Variants in ATP2B4 observed in about 807,000 individuals in gnomAD.
ATP2B4 encodes ATPase plasma membrane Ca2+ transporting 4.
ATP2B4 carries 39 observed loss-of-function variants against 110.3 expected under a neutral mutation model. The ratio of observed to expected loss-of-function variants is 0.35; its 90% CI spans 0.27 to 0.46. ATP2B4 has a LOEUF of 0.46. Among genes scored for constraint, ATP2B4 ranks in the 20% least tolerant of loss-of-function variants. The pLI is 1.00. For missense variants in ATP2B4, 1,135 were observed against 1,530.9 expected (o/e 0.74, Z 4.32); for synonymous variants, 538 against 571.7 (o/e 0.94, Z 0.84).
At position 203,660,096 on chromosome 1, in the gene ATP2B4, A is replaced by AG. The variant is rs1422544674; in HGVS notation, c.-464-22646_-464-22645insG. On this transcript the variant is annotated intron_variant, in intron 1 of 20. Coordinates refer to ENST00000357681, the MANE Select transcript of ATP2B4 (RefSeq NM_001684.5). ...GACTCCATCTCAAAAAAAAAAAAAA[A>AG]AAAAGAAAGAAAGAAAGAAAGAAAC... Among the ~76,000 whole-genome samples the AG allele has an allele frequency of 9.6e-3, 1,422 of 147,596 alleles. 17 individuals are homozygous for AG. Among genetic ancestry groups the AG allele is most frequent in the African/African-American group, 0.028 (1,090 of 38,298 alleles).
chr1:203,679,651 G>A (rs759607813), intron 1 of ATP2B4, among the ~76,000 whole-genome samples: 6 of 152,122 alleles, frequency 3.9e-5, no homozygotes, highest in Non-Finnish European at 7.4e-5. Flanking sequence ...TTGGGAGGCC[G>A]AGGGGGGTGG....
intron 15 of ATP2B4, among the ~76,000 whole-genome samples, chr1:203,719,225 G>GAAAAAAAAAAAAA (rs60841821): frequency 3.7e-5 from 2 of 54,402 alleles, no homozygotes; most frequent in African/African-American, 1.5e-4. Context: ...ACCCTGTCTC[G>GAAAAAAAAAAAAA]AAAAAAAAAA....
chr1:203,737,584 C>T (rs1182978883), intron 20 of ATP2B4, among the ~76,000 whole-genome samples: 1 of 152,126 alleles, frequency 6.6e-6, no homozygotes, highest in Admixed American at 6.5e-5. Flanking sequence ...CCAGATGGAG[C>T]CTCCATTCCA....
rs1231920448 is a variant in ATP2B4, at chr1:203,716,136, T to G, written c.2406+1859T>G. Among the ~76,000 whole-genome samples, 2 of 145,006 alleles carry G rather than the reference T, an allele frequency of 1.4e-5. 1 individual carries two copies. The highest frequency in any genetic ancestry group is 4.1e-4 in the East Asian group (2 of 4,826). On this transcript the variant is annotated intron_variant, in intron 15 of 20. Coordinates refer to ENST00000357681, the MANE Select transcript of ATP2B4 (RefSeq NM_001684.5). ...AACACCCCTATATTCATGGGGTTGC[T>G]AGGAGGACTCATGGGACTTGGCATA...
At position 203,659,821 on chromosome 1, in the gene ATP2B4, C is replaced by T. The variant is rs377566221; in HGVS notation, c.-464-22921C>T. Reference sequence around the variant, plus strand: ...ATAAAAAGCTGGGTGTGGTGGCTCACGCCTGTAATTCCAGCACTTTGGGAG... The same window carrying T: ...ATAAAAAGCTGGGTGTGGTGGCTCATGCCTGTAATTCCAGCACTTTGGGAG... On this transcript the variant is annotated intron_variant, in intron 1 of 20. Coordinates refer to ENST00000357681, the MANE Select transcript of ATP2B4 (RefSeq NM_001684.5). Among the ~76,000 whole-genome samples, 15 of 152,132 alleles carry T rather than the reference C, an allele frequency of 9.9e-5. No individual in the cohort carries two copies. The East Asian group carries it at 2.5e-3, about 25-fold the overall frequency.
chr1:203,680,608 C>CAAAAAAAAAA (rs372298550), intron 1 of ATP2B4, among the ~76,000 whole-genome samples: 4 of 130,778 alleles, frequency 3.1e-5, no homozygotes, highest in Non-Finnish European at 4.8e-5. Flanking sequence ...GACTCCGTCT[C>CAAAAAAAAAA]AAAAAAAAAA....
At chr1:203,664,257 A>G (rs901835745) in intron 1 of ATP2B4, among the ~76,000 whole-genome samples, 6 of 152,130 alleles carry the variant, frequency 3.9e-5, no homozygotes, top group African/African-American at 1.4e-4. Flanking sequence ...AAAATTAGAG[A>G]TTCTGGAGAA....
Position 203,709,539 on chromosome 1 carries a change from G to A in ATP2B4, c.1796G>A (p.Arg599His), listed in dbSNP as rs898591806. The A allele has an allele frequency of 3.1e-6, 5 of 1,613,946 alleles. No individual in the cohort carries two copies. Among genetic ancestry groups the A allele is most frequent in the Non-Finnish European group, 4.2e-6 (5 of 1,180,020 alleles). ...AAGGGCGCCTCTGAGATCATCTTGC[G>A]CAAGTGAGCACCCCCGACCACTCTG... ...YSKGASEIIL[R>H]KCNRILDRKG... The change falls in exon 11 of 21, where the codon CGC becomes CAC. Residue 599 changes from arginine to histidine, a missense_variant. Physicochemically the swap from Arg to His is conservative, Grantham distance 29. This residue lies in a region of ATP2B4 where 368 missense variants were observed against 455.9 expected (regional missense o/e 0.81). Transcript: ENST00000357681.
rs35598967 is a variant in ATP2B4, at chr1:203,678,392, CTTT to C, written c.-464-4332_-464-4330del. On this transcript the variant is annotated intron_variant, in intron 1 of 20. Coordinates refer to ENST00000357681, the MANE Select transcript of ATP2B4 (RefSeq NM_001684.5). ...TCTGGCAGCTCCTCATTTCTAGAGG[CTTT>C]TTTTTTTTTTTTTTTTTGAAGTCAG... Among the ~76,000 whole-genome samples the C allele has an allele frequency of 5.6e-3, 565 of 100,188 alleles. 4 individuals are homozygous for C. The highest frequency in any genetic ancestry group is 0.021 in the African/African-American group (527 of 24,822). The allele number at this position is 100,188 out of a possible 152,430, so 65.7% of individuals were successfully genotyped here. A position where few individuals can be genotyped will look rare whatever the true frequency, so the allele number is the denominator to read the frequency against.
At chr1:203,633,058 C>T (rs932721974) in intron 1 of ATP2B4, among the ~76,000 whole-genome samples, 1 of 152,134 alleles carries the variant, frequency 6.6e-6, no homozygotes, top group Non-Finnish European at 1.5e-5. Flanking sequence ...TGACTAATTT[C>T]AAGTCTGAGA....
At position 203,704,523 on chromosome 1, in the gene ATP2B4, C is replaced by G. The variant is rs1665792351; in HGVS notation, c.1099+710C>G. 3.7e-5 allele frequency among the ~76,000 whole-genome samples: 5 copies of G among 134,416 alleles called. No homozygotes were observed. In the South Asian group the frequency reaches 1.2e-3, roughly 33 times the overall value. 88.2% of individuals were successfully genotyped at this position (134,416 alleles called of 152,430 possible). On this transcript the variant is annotated intron_variant, in intron 8 of 20. Transcript: ENST00000357681. ...TGAGATGGCGTCTTCCTCTGTTGCC[C>G]AGGATGGAGTGCAGTGGCACCATCT... is the stretch of plus-strand genomic sequence containing the variant.
chr1:203,663,409 C>A (rs1324498925), intron 1 of ATP2B4, among the ~76,000 whole-genome samples: 1 of 152,118 alleles, frequency 6.6e-6, no homozygotes, highest in African/African-American at 2.4e-5. Flanking sequence ...ACAAACTGTA[C>A]TCTCAGGGTA....
At chr1:203,690,350 G>A (rs1353324131) in intron 2 of ATP2B4, among the ~76,000 whole-genome samples, 1 of 152,194 alleles carries the variant, frequency 6.6e-6, no homozygotes, top group Admixed American at 6.5e-5. Flanking sequence ...CCAAGTAAAT[G>A]TTCACCTACA....
chr1:203,692,269 C>T (rs1338785077), intron 2 of ATP2B4, among the ~76,000 whole-genome samples: 1 of 152,094 alleles, frequency 6.6e-6, no homozygotes, highest in Non-Finnish European at 1.5e-5. Flanking sequence ...CCTCAACCTC[C>T]TGGGCTGAGG....
chr1:203,642,996 C>T (rs1173831537), intron 1 of ATP2B4, among the ~76,000 whole-genome samples: 1 of 152,178 alleles, frequency 6.6e-6, no homozygotes, highest in Non-Finnish European at 1.5e-5. Flanking sequence ...CACCAGCCTG[C>T]CCACCTGCTC....
intron 1 of ATP2B4, among the ~76,000 whole-genome samples, chr1:203,682,032 C>CA (rs34690356): frequency 0.83 from 126,501 of 151,960 alleles, 53,482 homozygotes; most frequent in East Asian, 1. Context: ...AGCTTAGCCT[C>CA]AGAACAAAAC....
rs868121339 is a variant in ATP2B4, at chr1:203,743,169, T to C, written c.*3315T>C. ...GGTTAAATCTGAATGGTTACCTCAC[T>C]GCTGAAAACCCAGAGGGGCGTGGCA... On this transcript the variant is annotated 3_prime_UTR_variant, in exon 21 of 21. Coordinates refer to ENST00000357681, the MANE Select transcript of ATP2B4 (RefSeq NM_001684.5). The C allele has an allele frequency of 2.6e-5, 4 of 152,808 alleles. No homozygotes were observed. The South Asian group carries it at 8.3e-4, about 32-fold the overall frequency. 9.5% of individuals were successfully genotyped at this position (152,808 alleles called of 1,614,324 possible). A position where few individuals can be genotyped will look rare whatever the true frequency, so the allele number is the denominator to read the frequency against.
chr1:203,635,689 G>A (rs1228304404), intron 1 of ATP2B4, among the ~76,000 whole-genome samples: 1 of 152,114 alleles, frequency 6.6e-6, no homozygotes, highest in African/African-American at 2.4e-5. Context: ...GTCTGCAGTT[G>A]TTTATTGTGC....
intron 1 of ATP2B4, among the ~76,000 whole-genome samples, chr1:203,666,598 T>C (rs1558023578): frequency 6.6e-6 from 1 of 152,190 alleles, no homozygotes; most frequent in African/African-American, 2.4e-5. Flanking sequence ...CTCCTCTTCC[T>C]ATTAACCTCC....
Sources: allele counts gnomAD v4.1 joint callset (sites outside exome capture counted in the v4.1 genomes callset), GRCh38; gene constraint gnomAD v4.1.1; regional missense constraint gnomAD v4.1.1; transcripts MANE v1.5; gene names NCBI Gene and HGNC (gene_info 2026-07-23, HGNC 2026-07-21).